RIMS4: variants seen among roughly 807,000 people sequenced by gnomAD.
The protein encoded by RIMS4 is regulating synaptic membrane exocytosis 4, also known as regulating synaptic membrane exocytosis protein 4.
In RIMS4, 9 loss-of-function variants were observed where a neutral mutation model predicts 29.0. The ratio of observed to expected loss-of-function variants is 0.31; its 90% CI spans 0.19 to 0.54. The LOEUF is 0.54. RIMS4 is among the 20% of genes least tolerant of loss of function. The pLI is 0.94. For missense variants in RIMS4, 193 were observed against 365.7 expected (o/e 0.53, Z 3.85); for synonymous variants, 130 against 152.9 (o/e 0.85, Z 1.10).
In RIMS4 at chr20:44,809,202, A is replaced by G. The variant is rs538392295; in HGVS notation, c.97+973T>C. ...CACAGCTAAGAAGTAGAGAATGAAG[A>G]CTGGAACCTGATTCCGATTCCCAAT... On this transcript the variant is annotated intron_variant, in intron 1 of 5. Coordinates refer to ENST00000372851, the MANE Select transcript of RIMS4 (RefSeq NM_182970.4). Among the ~76,000 whole-genome samples the G allele has an allele frequency of 7.9e-5, 12 of 152,252 alleles. 1 individual carries two copies. The South Asian group carries it at 2.5e-3, about 32-fold the overall frequency.
chr20:44,752,669 C>CT lies in RIMS4; in HGVS notation c.*3464dup, dbSNP rs1176816144. ...GATAAAAGCATTCTGAAAACAAAGT[C>CT]TGAAAAGCACAACAGGAAGGCCAGG... is the stretch of plus-strand genomic sequence containing the variant. On this transcript the variant is annotated 3_prime_UTR_variant, in exon 6 of 6. Coordinates refer to ENST00000372851, the MANE Select transcript of RIMS4 (RefSeq NM_182970.4). 6.6e-6 allele frequency: 1 copy of CT among 152,452 alleles called. No homozygotes were observed. The highest frequency in any genetic ancestry group is 2.4e-5 in the African/African-American group (1 of 41,470). The allele number at this position is 152,452 out of a possible 1,614,324, so 9.4% of individuals were successfully genotyped here.
At chr20:44,798,419 C>T (rs1296550807) in intron 1 of RIMS4, among the ~76,000 whole-genome samples, 1 of 152,186 alleles carries the variant, frequency 6.6e-6, no homozygotes. Flanking sequence ...AATGACTATG[C>T]CCACCTTGTG....
At chr20:44,793,152 A>G (rs896074068) in intron 1 of RIMS4, among the ~76,000 whole-genome samples, 8 of 152,170 alleles carry the variant, frequency 5.3e-5, no homozygotes, top group African/African-American at 1.9e-4. Context: ...CACGAGAGGA[A>G]GGGCCACCCT....
At position 44,758,159 on chromosome 20, in the gene RIMS4, C is replaced by T; in HGVS notation, c.262G>A (p.Ala88Thr). The T allele has an allele frequency of 6.2e-7, 1 of 1,613,412 alleles. No homozygotes were observed. Among genetic ancestry groups the T allele is most frequent in the Non-Finnish European group, 8.5e-7 (1 of 1,179,574 alleles). The change falls in exon 3 of 6, where the codon GCG (alanine) becomes ACG (threonine). Residue 88 changes from alanine (A) to threonine (T), a missense_variant. By Grantham distance (58) the Ala-to-Thr change is moderately conservative. Coordinates refer to ENST00000372851, the MANE Select transcript of RIMS4 (RefSeq NM_182970.4). ...GNLNYGGVCL[A>T]SDAQFSDFLG... ...AAGTCACTGAACTGGGCGTCCGACGCCAGGCAAACTCCTCCATAGTTAAGG... is the reference window on the plus strand; with the variant it reads ...AAGTCACTGAACTGGGCGTCCGACGTCAGGCAAACTCCTCCATAGTTAAGG...
In RIMS4 at chr20:44,810,273, CCCGCGCCGGCGCCGGGCGCCTCGG is replaced by C. The variant is rs1170890277; in HGVS notation, c.-26_-3del. On this transcript the variant is annotated 5_prime_UTR_variant, in exon 1 of 6. Coordinates refer to ENST00000372851, the MANE Select transcript of RIMS4 (RefSeq NM_182970.4). ...GAGGCGGCTCTGCGAGCGCTCCATG[CCCGCGCCGGCGCCGGGCGCCTCGG>C]CCGCGGCGGCGGCGGCGGCGGCGGG... 6 of 1,189,724 alleles carry C rather than the reference CCCGCGCCGGCGCCGGGCGCCTCGG, an allele frequency of 5.0e-6. No individual in the cohort carries two copies. The highest frequency in any genetic ancestry group is 5.5e-5 in the South Asian group (2 of 36,336). 73.7% of individuals were successfully genotyped at this position (1,189,724 alleles called of 1,614,324 possible). A position where few individuals can be genotyped will look rare whatever the true frequency, so the allele number is the denominator to read the frequency against.
intron 1 of RIMS4, among the ~76,000 whole-genome samples, chr20:44,793,099 G>GCCAT (rs1194963240): frequency 6.6e-6 from 1 of 152,128 alleles, no homozygotes; most frequent in Non-Finnish European, 1.5e-5. Flanking sequence ...GCATAAGGAT[G>GCCAT]CCATATAAGC....
At chr20:44,767,779 A>G (rs144975323) in intron 2 of RIMS4, among the ~76,000 whole-genome samples, 12 of 152,340 alleles carry the variant, frequency 7.9e-5, no homozygotes, top group Non-Finnish European at 1.2e-4. Flanking sequence ...ATGAGTCAAT[A>G]TAAGTAAAAG....
chr20:44,769,696 G>A (rs1202329788), intron 2 of RIMS4, among the ~76,000 whole-genome samples: 1 of 152,248 alleles, frequency 6.6e-6, no homozygotes, highest in Non-Finnish European at 1.5e-5. Flanking sequence ...CTCGCTAGGA[G>A]GTGGGTGGAA....
At chr20:44,803,734 A>G (rs1243030762) in intron 1 of RIMS4, among the ~76,000 whole-genome samples, 1 of 152,216 alleles carries the variant, frequency 6.6e-6, no homozygotes, top group East Asian at 1.9e-4. Flanking sequence ...CGTTAAATAT[A>G]ATCCAGCACT....
chr20:44,792,295 A>ATT (rs1251411491), intron 1 of RIMS4, among the ~76,000 whole-genome samples: 3 of 144,492 alleles, frequency 2.1e-5, no homozygotes, highest in Admixed American at 7.0e-5. Context: ...TATTATTATA[A>ATT]TTTTTTTTTT....
chr20:44,775,150 G>C (rs2066154372), intron 1 of RIMS4, among the ~76,000 whole-genome samples: 1 of 152,104 alleles, frequency 6.6e-6, no homozygotes, highest in Non-Finnish European at 1.5e-5. Context: ...ACGCTTCTAA[G>C]TGCTGCACCT....
At chr20:44,791,481 A>G (rs2066232470) in intron 1 of RIMS4, among the ~76,000 whole-genome samples, 1 of 152,228 alleles carries the variant, frequency 6.6e-6, no homozygotes, top group African/African-American at 2.4e-5. Flanking sequence ...ATAAGGTAAC[A>G]TATGTGAAAT....
At chr20:44,787,780 A>G (rs1479851186) in intron 1 of RIMS4, among the ~76,000 whole-genome samples, 1 of 152,216 alleles carries the variant, frequency 6.6e-6, no homozygotes, top group Non-Finnish European at 1.5e-5. Flanking sequence ...TCCAGCCCTA[A>G]AAGTAAGCAT....
At chr20:44,794,390 T>C (rs1456062937) in intron 1 of RIMS4, among the ~76,000 whole-genome samples, 3 of 152,128 alleles carry the variant, frequency 2.0e-5, no homozygotes, top group Non-Finnish European at 2.9e-5. Context: ...CTGACCAGGG[T>C]TGAGTTCGTC....
intron 1 of RIMS4, among the ~76,000 whole-genome samples, chr20:44,777,035 C>G (rs111285541): frequency 6.6e-6 from 1 of 152,332 alleles, no homozygotes; most frequent in African/African-American, 2.4e-5. Flanking sequence ...TCCACAAAGA[C>G]GTCCCTCATC....
At chr20:44,778,089 T>C (rs1481854184) in intron 1 of RIMS4, among the ~76,000 whole-genome samples, 1 of 152,212 alleles carries the variant, frequency 6.6e-6, no homozygotes, top group African/African-American at 2.4e-5. Context: ...GTCCAGGTCT[T>C]GAAGTCCATC....
intron 1 of RIMS4, among the ~76,000 whole-genome samples, chr20:44,801,507 C>T (rs908098900): frequency 3.9e-5 from 6 of 152,152 alleles, no homozygotes; most frequent in African/African-American, 1.4e-4. Flanking sequence ...GAGGTTTGTC[C>T]TCAAATGAAC....
intron 1 of RIMS4, among the ~76,000 whole-genome samples, chr20:44,782,214 C>A (rs940669357): frequency 1.3e-5 from 2 of 152,198 alleles, no homozygotes; most frequent in Admixed American, 6.5e-5. Flanking sequence ...GCTGCAATAA[C>A]AAGTTACCCC....
chr20:44,765,956 C>T (rs151107863), intron 2 of RIMS4, among the ~76,000 whole-genome samples: 23 of 152,324 alleles, frequency 1.5e-4, no homozygotes, highest in African/African-American at 5.5e-4. Flanking sequence ...CACACACACC[C>T]ACCTATTATT....
Sources: allele counts gnomAD v4.1 joint callset (sites outside exome capture counted in the v4.1 genomes callset), GRCh38; gene constraint gnomAD v4.1.1; transcripts MANE v1.5; gene names NCBI Gene and HGNC (gene_info 2026-07-23, HGNC 2026-07-21).